Variants in GSE1 observed in about 807,000 individuals in gnomAD.
GSE1 encodes the protein genetic suppressor element 1.
Under a neutral mutation model 112.6 loss-of-function variants are expected in GSE1, and 32 were observed. The observed-to-expected ratio is 0.28, with a 90% CI of 0.21 to 0.38. The LOEUF (loss-of-function observed/expected upper bound fraction) is 0.38. Ranked by LOEUF, GSE1 falls within the 10% of genes least tolerant of loss-of-function variation. GSE1 has a pLI of 1.00. For missense variants in GSE1, 2,348 were observed against 1,699.2 expected, an observed-to-expected ratio of 1.38 and a Z score of -6.71; for synonymous variants, 1,115 against 735.6, an observed-to-expected ratio of 1.52 and a Z score of -8.35.
At chr16:85,183,036 A>G (rs1452790487) in intron 1 of GSE1, among the ~76,000 whole-genome samples, 2 of 152,144 alleles carry the variant, frequency 1.3e-5, no homozygotes, top group African/African-American at 4.8e-5. Flanking sequence ...TCATACATGC[A>G]TCACTCCCGT....
chr16:85,601,313 A>G (rs1003242972), intron 1 of GSE1, among the ~76,000 whole-genome samples: 11 of 151,536 alleles, frequency 7.3e-5, no homozygotes, highest in Non-Finnish European at 1.3e-4. Flanking sequence ...AGGAGGCAGC[A>G]GGGGTGGGGC....
chr16:85,632,662 G>A (rs1397818174), intron 1 of GSE1, among the ~76,000 whole-genome samples: 2 of 152,178 alleles, frequency 1.3e-5, no homozygotes, highest in African/African-American at 4.8e-5. Flanking sequence ...CTCTTCCGGG[G>A]AGGAACCTGG....
In GSE1 at chr16:85,648,595, C is replaced by G; in HGVS notation, c.270C>G (p.Ala90=). The change falls in exon 3 of 16, where the codon GCC becomes GCG. Residue 90 remains alanine, a synonymous_variant. Coordinates refer to ENST00000253458, the MANE Select transcript of GSE1 (RefSeq NM_014615.5). Reference sequence around the variant, plus strand: ...AGTCGTCCCCCGTGTCCTCTCCGGCCACCAACCACAGCTCCCCCGCCAGCA... The same window carrying G: ...AGTCGTCCCCCGTGTCCTCTCCGGCGACCAACCACAGCTCCCCCGCCAGCA... ...SSESSPVSSP[A]TNHSSPASTP... 1 of 1,605,310 alleles carries G rather than the reference C, an allele frequency of 6.2e-7. No homozygotes were observed. Among genetic ancestry groups the G allele is most frequent in the Non-Finnish European group, 8.5e-7 (1 of 1,175,804 alleles).
chr16:85,594,744 A>T (rs1231131070), intron 1 of GSE1: 2 of 152,268 alleles, frequency 1.3e-5, no homozygotes, highest in African/African-American at 4.8e-5. Flanking sequence ...AAAGGACAGA[A>T]TGTGGATAAA....
intron 2 of GSE1, among the ~76,000 whole-genome samples, chr16:85,403,466 T>A (rs1388496900): frequency 6.6e-6 from 1 of 152,038 alleles, no homozygotes; most frequent in Admixed American, 6.5e-5. Context: ...TTAATGAATG[T>A]GCCTTGTGAC....
intron 1 of GSE1, among the ~76,000 whole-genome samples, chr16:85,624,041 C>G (rs2048908142): frequency 6.6e-6 from 1 of 152,216 alleles, no homozygotes; most frequent in South Asian, 2.1e-4. Flanking sequence ...CACTCAGCCT[C>G]CTCCACACTG....
At chr16:85,177,375 C>G (rs1336119901) in intron 1 of GSE1, among the ~76,000 whole-genome samples, 5 of 152,220 alleles carry the variant, frequency 3.3e-5, no homozygotes, top group African/African-American at 1.2e-4. Flanking sequence ...CGCCTCAGGT[C>G]CCCCTTCTAG....
At chr16:85,376,365 C>T (rs972842974) in intron 2 of GSE1, among the ~76,000 whole-genome samples, 14 of 152,246 alleles carry the variant, frequency 9.2e-5, no homozygotes, top group Admixed American at 7.8e-4. Context: ...GTTAGGATTA[C>T]TGCAACTGTT....
intron 2 of GSE1, among the ~76,000 whole-genome samples, chr16:85,534,414 G>T (rs1335880984): frequency 1.3e-5 from 2 of 152,062 alleles, no homozygotes; most frequent in Non-Finnish European, 2.9e-5. Context: ...GAGCCACCAC[G>T]CCCGGCCAAT....
intron 1 of GSE1, among the ~76,000 whole-genome samples, chr16:85,222,891 A>T (rs2075418287): frequency 6.6e-6 from 1 of 152,104 alleles, no homozygotes; most frequent in Non-Finnish European, 1.5e-5. Context: ...CTGTTTTCTT[A>T]CCATTTTAGT....
intron 1 of GSE1, among the ~76,000 whole-genome samples, chr16:85,632,547 C>T (rs977591592): frequency 5.9e-5 from 9 of 152,206 alleles, no homozygotes; most frequent in African/African-American, 1.4e-4. Flanking sequence ...GTCCTCTCCA[C>T]GCTGCCTCCG....
chr16:85,340,914 G>A (rs1040477658), intron 1 of GSE1, among the ~76,000 whole-genome samples: 12 of 152,196 alleles, frequency 7.9e-5, no homozygotes, highest in African/African-American at 2.4e-4. Flanking sequence ...GCCTCTCTGA[G>A]CCTCTGCACG....
At chr16:85,180,062 C>T (rs2074550289) in intron 1 of GSE1, among the ~76,000 whole-genome samples, 1 of 152,258 alleles carries the variant, frequency 6.6e-6, no homozygotes, top group Non-Finnish European at 1.5e-5. Flanking sequence ...GGGGTCTGGC[C>T]TGGCTCTGTG....
At chr16:85,495,065 A>C (rs1243717542) in intron 2 of GSE1, among the ~76,000 whole-genome samples, 1 of 152,202 alleles carries the variant, frequency 6.6e-6, no homozygotes, top group Non-Finnish European at 1.5e-5. Flanking sequence ...CCTATGGGCT[A>C]TGATCATGCT....
At chr16:85,393,437 A>G (rs2047892217) in intron 2 of GSE1, among the ~76,000 whole-genome samples, 1 of 152,166 alleles carries the variant, frequency 6.6e-6, no homozygotes. Flanking sequence ...GATGGGAGAA[A>G]TGTCTGATGT....
intron 1 of GSE1, among the ~76,000 whole-genome samples, chr16:85,566,152 TGGGTTGATAG>T (rs2151306967): frequency 6.6e-6 from 1 of 152,308 alleles, no homozygotes; most frequent in African/African-American, 2.4e-5. Context: ...AATTACCATT[TGGGTTGATAG>T]CTCCCAGCTG....
Position 85,297,357 on chromosome 16 carries a change from C to A in GSE1, c.2284-60106C>A, listed in dbSNP as rs945606486. 2.0e-5 allele frequency among the ~76,000 whole-genome samples: 3 copies of A among 150,200 alleles called. 1 individual carries two copies. The highest frequency in any genetic ancestry group is 7.6e-5 in the African/African-American group (3 of 39,500). ...AGCAGACGAACTCCAGAGATAGGAA[C>A]CTTCTTAGCCAGAGAAGCAAAGCAT... On this transcript the variant is annotated intron_variant, in intron 1 of 2. Coordinates refer to the GSE1 transcript ENST00000637419.
chr16:85,383,834 G>T lies in GSE1; in HGVS notation c.2464+26191G>T, dbSNP rs374513090. ...CAGCCGAGAATGGGAGGACCACACA[G>T]ACCTCTTTCCTACAGAGCTTGGGGT... On this transcript the variant is annotated intron_variant, in intron 2 of 2. Transcript: ENST00000637419. Among the ~76,000 whole-genome samples the T allele has an allele frequency of 1.1e-4, 16 of 152,308 alleles. No homozygotes were observed. The East Asian group carries it at 2.3e-3, about 22-fold the overall frequency.
At chr16:85,464,704 C>A (rs1028910727) in intron 2 of GSE1, among the ~76,000 whole-genome samples, 43 of 152,356 alleles carry the variant, frequency 2.8e-4, no homozygotes, top group Non-Finnish European at 5.7e-4. Flanking sequence ...TGCTGCTCCT[C>A]CTCTGCCACA....
Sources: allele counts gnomAD v4.1 joint callset (sites outside exome capture counted in the v4.1 genomes callset), GRCh38; gene constraint gnomAD v4.1.1; transcripts MANE v1.5; gene names NCBI Gene and HGNC (gene_info 2026-07-23, HGNC 2026-07-21).